Variants in MCTP1 observed in about 807,000 individuals in gnomAD.
MCTP1 encodes the protein multiple C2 and transmembrane domain-containing protein 1.
Under a neutral mutation model 120.6 loss-of-function variants are expected in MCTP1, and 69 were observed. That is an observed-to-expected ratio of 0.57 (90% CI 0.47 to 0.70). The LOEUF is 0.70. Ranked by LOEUF, MCTP1 falls within the 30% of genes least tolerant of loss-of-function variation. The pLI is 0.00. For synonymous variants in MCTP1, 529 were observed against 493.1 expected, an observed-to-expected ratio of 1.07 and a Z score of -0.96; for missense variants, 1,203 against 1,248.8, an observed-to-expected ratio of 0.96 and a Z score of 0.55.
At chr5:94,889,192 T>A (rs1801985196) in intron 11 of MCTP1, among the ~76,000 whole-genome samples, 1 of 152,216 alleles carries the variant, frequency 6.6e-6, no homozygotes, top group Admixed American at 6.5e-5. Context: ...TGTTTTCTCG[T>A]ATTTATTTCA....
intron 1 of MCTP1, among the ~76,000 whole-genome samples, chr5:95,170,863 C>T (rs1384652227): frequency 6.6e-6 from 1 of 152,140 alleles, no homozygotes; most frequent in African/African-American, 2.4e-5. Context: ...GCTCTTTATC[C>T]AATTTGCCAG....
At chr5:95,087,055 G>T (rs955881529) in intron 1 of MCTP1, among the ~76,000 whole-genome samples, 9 of 152,156 alleles carry the variant, frequency 5.9e-5, no homozygotes, top group African/African-American at 1.9e-4. Context: ...CAGCCAGGAG[G>T]ACGAAAGGGC....
intron 1 of MCTP1, among the ~76,000 whole-genome samples, chr5:95,244,530 C>T (rs191954405): frequency 2.1e-4 from 32 of 152,374 alleles, no homozygotes; most frequent in African/African-American, 7.2e-4. Context: ...AGATACCCTC[C>T]TATGCCTGGC....
Position 94,912,848 on chromosome 5 carries a change from G to A in MCTP1, c.1479C>T (p.Pro493=). ...GATGCCCAAGCCGGAACTTCACGTAGGGATCGCTCAACCCGTTGGAATCCA... is the reference window on the plus strand; with the variant it reads ...GATGCCCAAGCCGGAACTTCACGTAAGGATCGCTCAACCCGTTGGAATCCA... ...KAMDSNGLSD[P]YVKFRLGHQK... The change falls in exon 9 of 23, where the codon CCC becomes CCT. Residue 493 remains proline (P), a synonymous_variant. Transcript: ENST00000515393. 1 of 1,583,924 alleles carries A rather than the reference G, an allele frequency of 6.3e-7. No homozygotes were observed. The highest frequency in any genetic ancestry group is 8.6e-7 in the Non-Finnish European group (1 of 1,166,222).
chr5:95,212,888 C>T (rs1327784160), intron 1 of MCTP1, among the ~76,000 whole-genome samples: 1 of 152,122 alleles, frequency 6.6e-6, no homozygotes, highest in Admixed American at 6.5e-5. Context: ...CTATCTATGA[C>T]AAACCCACAG....
At chr5:94,957,819 T>C (rs927096612) in intron 2 of MCTP1, among the ~76,000 whole-genome samples, 6 of 152,194 alleles carry the variant, frequency 3.9e-5, no homozygotes, top group Admixed American at 1.3e-4. Flanking sequence ...ACAATAATAG[T>C]GGGAGACTTT....
At chr5:95,034,249 A>C (rs1395236097) in intron 1 of MCTP1, among the ~76,000 whole-genome samples, 8 of 152,114 alleles carry the variant, frequency 5.3e-5, no homozygotes, top group African/African-American at 2.4e-5. Context: ...GAACCAAAAA[A>C]GAGCCTGAAT....
chr5:95,186,941 A>G (rs1385553762), intron 1 of MCTP1, among the ~76,000 whole-genome samples: 1 of 152,222 alleles, frequency 6.6e-6, no homozygotes, highest in Non-Finnish European at 1.5e-5. Context: ...TCCAAAAGAC[A>G]GGCAACAATA....
chr5:94,923,851 C>A (rs1189082184), intron 7 of MCTP1, 111 bp downstream of exon 7: 8 of 629,752 alleles, frequency 1.3e-5, no homozygotes, highest in Non-Finnish European at 1.9e-5. Flanking sequence ...ATGAATACCT[C>A]TATCTGGAAG....
rs1466639042 is a variant in MCTP1 at position 94,703,861 on chromosome 5, A to G, written c.*3635T>C. ...GTTTTTATTTGCATACTATTTTTTA[A>G]TGAGATTTTTCAATAGTATTTCTCA... is the stretch of plus-strand genomic sequence containing the variant. On this transcript the variant is annotated 3_prime_UTR_variant, in exon 23 of 23. Coordinates refer to ENST00000515393, the MANE Select transcript of MCTP1 (RefSeq NM_024717.7). 3 of 151,160 alleles carry G rather than the reference A, an allele frequency of 2.0e-5. No individual in the cohort carries two copies. Among genetic ancestry groups the G allele is most frequent in the Non-Finnish European group, 4.4e-5 (3 of 67,582 alleles). The allele number at this position is 151,160 out of a possible 1,614,324, so 9.4% of individuals were successfully genotyped here.
intron 1 of MCTP1, among the ~76,000 whole-genome samples, chr5:95,078,319 C>A (rs1479977133): frequency 6.6e-6 from 1 of 152,112 alleles, no homozygotes; most frequent in East Asian, 1.9e-4. Flanking sequence ...TTCCCTAAAG[C>A]TTTCCTGGGA....
At chr5:94,804,633 T>A (rs956291135) in intron 17 of MCTP1, among the ~76,000 whole-genome samples, 2 of 152,086 alleles carry the variant, frequency 1.3e-5, no homozygotes, top group African/African-American at 4.8e-5. Context: ...AGAGATGGGG[T>A]TTCACTGTGT....
At chr5:94,911,971 T>A (rs1808726997) in intron 9 of MCTP1, among the ~76,000 whole-genome samples, 1 of 152,156 alleles carries the variant, frequency 6.6e-6, no homozygotes, top group Admixed American at 6.5e-5. Flanking sequence ...AGGCATTATT[T>A]TAACTCTCAT....
chr5:94,757,581 T>G (rs996998158), intron 19 of MCTP1, among the ~76,000 whole-genome samples: 12 of 152,170 alleles, frequency 7.9e-5, no homozygotes, highest in Non-Finnish European at 1.6e-4. Context: ...GGGACAATTT[T>G]CAATGTCTAA....
intron 1 of MCTP1, among the ~76,000 whole-genome samples, chr5:95,276,251 A>AT (rs34667866): frequency 0.087 from 7,364 of 84,710 alleles, 1,218 homozygotes; most frequent in African/African-American, 0.17. Context: ...CAATATTGGG[A>AT]TTTTTTTTTT....
intron 1 of MCTP1, among the ~76,000 whole-genome samples, chr5:95,102,407 T>C (rs1756801882): frequency 6.6e-6 from 1 of 152,200 alleles, no homozygotes; most frequent in South Asian, 2.1e-4. Flanking sequence ...TGCAGGACTA[T>C]GAGCTATATC....
chr5:95,162,833 A>C (rs1333159570), intron 1 of MCTP1, among the ~76,000 whole-genome samples: 1 of 152,158 alleles, frequency 6.6e-6, no homozygotes, highest in Non-Finnish European at 1.5e-5. Context: ...TTTACATATA[A>C]ACCTTACAGC....
chr5:95,169,879 C>T (rs975311375), intron 1 of MCTP1, among the ~76,000 whole-genome samples: 7 of 151,914 alleles, frequency 4.6e-5, no homozygotes, highest in East Asian at 3.9e-4. Flanking sequence ...AAGGGTTTTT[C>T]GTGTCTCTAT....
chr5:94,995,721 A>G (rs1320926050), intron 2 of MCTP1, among the ~76,000 whole-genome samples: 1 of 152,176 alleles, frequency 6.6e-6, no homozygotes, highest in African/African-American at 2.4e-5. Context: ...AATGGAATAG[A>G]GCTCATATTT....
Sources: allele counts gnomAD v4.1 joint callset (sites outside exome capture counted in the v4.1 genomes callset), GRCh38; gene constraint gnomAD v4.1.1; transcripts MANE v1.5; gene names NCBI Gene and HGNC (gene_info 2026-07-23, HGNC 2026-07-21).